Variants in SOX5 observed in about 807,000 individuals in gnomAD.
SOX5 encodes the protein SRY-box transcription factor 5.
Under a neutral mutation model 92.0 loss-of-function variants are expected in SOX5, and 9 were observed. The ratio of observed to expected loss-of-function variants is 0.10; its 90% CI spans 0.06 to 0.17. SOX5 has a LOEUF of 0.17. SOX5 is among the 10% of genes least tolerant of loss of function. The pLI is 1.00. For missense variants in SOX5, 642 were observed against 944.5 expected (o/e 0.68, Z 4.20); for synonymous variants, 344 against 336.3 (o/e 1.02, Z -0.25).
intron 3 of SOX5, among the ~76,000 whole-genome samples, chr12:24,248,731 C>T (rs921214221): frequency 2.0e-5 from 3 of 152,068 alleles, no homozygotes; most frequent in Non-Finnish European, 4.4e-5. Context: ...TTCTCACTCT[C>T]TCTCCTTCAT....
intron 3 of SOX5, among the ~76,000 whole-genome samples, chr12:24,259,301 T>C (rs1178742392): frequency 3.3e-5 from 5 of 152,178 alleles, no homozygotes; most frequent in Non-Finnish European, 5.9e-5. Context: ...TCTCAGGCAC[T>C]GTTATCGTGT....
intron 4 of SOX5, among the ~76,000 whole-genome samples, chr12:24,153,318 G>T (rs947325235): frequency 1.9e-4 from 29 of 152,064 alleles, no homozygotes; most frequent in African/African-American, 6.3e-4. Context: ...GAAGGAGGGG[G>T]TGCCCTTCAG....
chr12:23,884,857 T>C (rs1415729833), intron 2 of SOX5, among the ~76,000 whole-genome samples: 3 of 152,180 alleles, frequency 2.0e-5, no homozygotes, highest in African/African-American at 7.2e-5. Flanking sequence ...ACAGAAAACA[T>C]TGAAATATTA....
intron 1 of SOX5, among the ~76,000 whole-genome samples, chr12:23,911,038 CAG>C (rs2097346517): frequency 6.6e-6 from 1 of 151,978 alleles, no homozygotes; most frequent in South Asian, 2.1e-4. Flanking sequence ...TCTTATGAAA[CAG>C]ATATTTTATA....
chr12:24,281,946 C>T (rs527862613), intron 2 of SOX5, among the ~76,000 whole-genome samples: 1 of 152,220 alleles, frequency 6.6e-6, no homozygotes, highest in Non-Finnish European at 1.5e-5. Flanking sequence ...AAGAGGAAAA[C>T]TGTGTTCCTC....
intron 3 of SOX5, among the ~76,000 whole-genome samples, chr12:24,228,950 C>A (rs767039381): frequency 8.5e-5 from 13 of 152,140 alleles, no homozygotes; most frequent in Non-Finnish European, 1.2e-4. Context: ...TTAATCGAGC[C>A]CATATAATTA....
At chr12:24,074,211 T>C (rs1170682252) in intron 4 of SOX5, among the ~76,000 whole-genome samples, 1 of 152,176 alleles carries the variant, frequency 6.6e-6, no homozygotes, top group Non-Finnish European at 1.5e-5. Context: ...AAGAATCATA[T>C]ACATTTATTT....
chr12:24,389,282 G>A (rs1402239535), intron 1 of SOX5, among the ~76,000 whole-genome samples: 1 of 152,180 alleles, frequency 6.6e-6, no homozygotes, highest in Non-Finnish European at 1.5e-5. Context: ...CAAAGGACAT[G>A]AACTCATCAT....
chr12:24,553,141 G>A (rs1953378583), intron 1 of SOX5, among the ~76,000 whole-genome samples: 1 of 152,218 alleles, frequency 6.6e-6, no homozygotes, highest in Non-Finnish European at 1.5e-5. Flanking sequence ...TGATAGCCAG[G>A]TATTGTTAGT....
chr12:24,547,357 A>G (rs1952737085), intron 1 of SOX5, among the ~76,000 whole-genome samples: 1 of 148,736 alleles, frequency 6.7e-6, no homozygotes, highest in African/African-American at 2.5e-5. Context: ...GCGCCCGGCT[A>G]ATTTTTTGTA....
At chr12:23,701,695 A>AT (rs1406297397) in intron 6 of SOX5, among the ~76,000 whole-genome samples, 1 of 151,976 alleles carries the variant, frequency 6.6e-6, no homozygotes, top group African/African-American at 2.4e-5. Context: ...CAGTGGTAAC[A>AT]TTTTTTGGTC....
intron 6 of SOX5, among the ~76,000 whole-genome samples, chr12:23,703,890 A>G (rs1426896967): frequency 6.6e-6 from 1 of 152,012 alleles, no homozygotes; most frequent in Non-Finnish European, 1.5e-5. Context: ...GTGAATGTTA[A>G]GAGCAAACTG....
intron 1 of SOX5, among the ~76,000 whole-genome samples, chr12:23,931,928 G>A (rs1036396334): frequency 2.2e-4 from 33 of 151,522 alleles, no homozygotes; most frequent in African/African-American, 6.5e-4. Context: ...TTATGAATAT[G>A]TGGTAATGGT....
chr12:23,556,607 C>A (rs765042696), intron 11 of SOX5, among the ~76,000 whole-genome samples: 2 of 152,178 alleles, frequency 1.3e-5, no homozygotes, highest in Non-Finnish European at 2.9e-5. Context: ...CCTAACATGC[C>A]TACTTCCTTT....
intron 3 of SOX5, among the ~76,000 whole-genome samples, chr12:23,801,703 T>G (rs1478342528): frequency 6.6e-6 from 1 of 152,206 alleles, no homozygotes; most frequent in Non-Finnish European, 1.5e-5. Context: ...ATTTTTCAGT[T>G]AAGTACTATT....
chr12:24,115,664 A>G (rs1947909921), intron 4 of SOX5, among the ~76,000 whole-genome samples: 1 of 152,210 alleles, frequency 6.6e-6, no homozygotes, highest in African/African-American at 2.4e-5. Flanking sequence ...ATAAAATAAT[A>G]GGAAAAGAAA....
At chr12:23,958,970 T>C (rs934156265) in intron 4 of SOX5, among the ~76,000 whole-genome samples, 4 of 151,834 alleles carry the variant, frequency 2.6e-5, no homozygotes, top group East Asian at 3.8e-4. Context: ...ATTGGTAACA[T>C]AGACAAAATA....
intron 3 of SOX5, among the ~76,000 whole-genome samples, chr12:24,225,235 C>T (rs1961624699): frequency 6.6e-6 from 1 of 152,118 alleles, no homozygotes; most frequent in Non-Finnish European, 1.5e-5. Context: ...CTAGTTATAC[C>T]TAACCCATCA....
intron 3 of SOX5, among the ~76,000 whole-genome samples, chr12:24,214,655 T>C (rs1325117303): frequency 6.6e-6 from 1 of 152,098 alleles, no homozygotes; most frequent in Admixed American, 6.5e-5. Context: ...AGGTTGGTCC[T>C]ATATTATCAA....
Sources: gnomAD v4.1 joint callset for allele counts (sites outside exome capture counted in the v4.1 genomes callset) on GRCh38, gnomAD v4.1.1 for gene constraint, MANE v1.5 for transcripts, NCBI Gene and HGNC (gene_info 2026-07-23, HGNC 2026-07-21) for gene names.